The following SH2D4A variants were observed in gnomAD, a reference collection of about 807,000 sequenced individuals.
The protein encoded by SH2D4A is SH2 domain-containing protein 4A.
A neutral mutation model predicts 64.7 loss-of-function variants in SH2D4A; 70 were observed. The ratio of observed to expected loss-of-function variants is 1.08; its 90% CI spans 0.89 to 1.32. The LOEUF is 1.32. Among genes scored for constraint, SH2D4A ranks in the 40% most tolerant of loss-of-function variants. SH2D4A has a pLI of 0.00. For missense variants in SH2D4A, 706 were observed against 540.1 expected (o/e 1.31, Z -3.04); for synonymous variants, 268 against 200.7 (o/e 1.34, Z -2.83).
intron 8 of SH2D4A, among the ~76,000 whole-genome samples, chr8:19,389,124 C>A (rs1563214772): frequency 6.6e-6 from 1 of 152,184 alleles, no homozygotes; most frequent in Non-Finnish European, 1.5e-5. Flanking sequence ...GGAGTTGAAT[C>A]TTGCAGAGTG....
intron 8 of SH2D4A, among the ~76,000 whole-genome samples, chr8:19,389,106 C>T (rs2053439728): frequency 6.6e-6 from 1 of 152,198 alleles, no homozygotes; most frequent in Non-Finnish European, 1.5e-5. Context: ...CAGGACACGT[C>T]ATGTTCTGGA....
chr8:19,363,751 G>T (rs1438203312), intron 6 of SH2D4A: 2 of 365,144 alleles, frequency 5.5e-6, no homozygotes, highest in Non-Finnish European at 1.0e-5. Context: ...ATGCTCAGGC[G>T]GGGGATCCTC....
At position 19,332,837 on chromosome 8, in the gene SH2D4A, C is replaced by T. The variant is rs993124949; in HGVS notation, c.182-118C>T. ...CTGAGCAGTTGGAAGTTCTTTGTCT[C>T]ATCTGATATATATATATATATTTTC... is the stretch of plus-strand genomic sequence containing the variant. On this transcript the variant is annotated intron_variant, in intron 2 of 9. Coordinates refer to ENST00000265807, the MANE Select transcript of SH2D4A (RefSeq NM_022071.4). The T allele has an allele frequency of 7.1e-6, 6 of 848,878 alleles. No individual in the cohort carries two copies. In the South Asian group the frequency reaches 1.6e-4, roughly 23 times the overall value. 52.6% of individuals were successfully genotyped at this position (848,878 alleles called of 1,614,324 possible).
Position 19,319,713 on chromosome 8 carries a change from C to T in SH2D4A, c.166C>T (p.Pro56Ser), listed in dbSNP as rs1340695745. Residue 56 changes from proline to serine, a missense_variant, in exon 2 of 10, where the codon CCC becomes TCC. Physicochemically the swap from Pro to Ser is moderately conservative, Grantham distance 74 (BLOSUM62 -1). Transcript: ENST00000265807. ...AAGAAAGGAGTCCCTGCCAGTGAAA[C>T]CCAGACCAAAGAAAGGTAAACTTAT... ...MERKESLPVK[P>S]RPKKENGKSV... The T allele has an allele frequency of 6.3e-7, 1 of 1,587,262 alleles. No homozygotes were observed. The highest frequency in any genetic ancestry group is 8.5e-7 in the Non-Finnish European group (1 of 1,170,518).
At chr8:19,321,442 G>C (rs541628332) in intron 2 of SH2D4A, among the ~76,000 whole-genome samples, 2 of 152,300 alleles carry the variant, frequency 1.3e-5, no homozygotes, top group Non-Finnish European at 2.9e-5. Context: ...TTGAACCCCA[G>C]ACCTCAAACG....
intron 4 of SH2D4A, among the ~76,000 whole-genome samples, chr8:19,347,680 A>G (rs1033159623): frequency 1.3e-5 from 2 of 152,252 alleles, no homozygotes; most frequent in Non-Finnish European, 2.9e-5. Context: ...ATTTTTACAG[A>G]AATGGCCTTC....
chr8:19,325,312 C>A (rs2052259700), intron 2 of SH2D4A, among the ~76,000 whole-genome samples: 1 of 152,204 alleles, frequency 6.6e-6, no homozygotes, highest in South Asian at 2.1e-4. Context: ...GATTTGTATT[C>A]ATATGATTTC....
chr8:19,334,654 T>C, intron 3 of SH2D4A, 32 bp from the exon 4 acceptor site: 1 of 1,566,218 alleles, frequency 6.4e-7, no homozygotes, highest in Non-Finnish European at 8.6e-7. Context: ...TGAAGAATGT[T>C]TTTTGAGAAT....
At chr8:19,342,571 C>G (rs1238661340) in intron 4 of SH2D4A, among the ~76,000 whole-genome samples, 1 of 152,156 alleles carries the variant, frequency 6.6e-6, no homozygotes, top group Non-Finnish European at 1.5e-5. Context: ...TTCATCCTCA[C>G]AACTGTAGGA....
chr8:19,363,189 C>T (rs1262057577), intron 6 of SH2D4A, among the ~76,000 whole-genome samples: 1 of 152,136 alleles, frequency 6.6e-6, no homozygotes, highest in East Asian at 1.9e-4. Context: ...GATTCTCCCG[C>T]CTCAGCCTCC....
intron 7 of SH2D4A, among the ~76,000 whole-genome samples, chr8:19,373,100 A>C (rs564755387): frequency 6.6e-6 from 1 of 152,160 alleles, no homozygotes; most frequent in Non-Finnish European, 1.5e-5. Context: ...TATAATTCCT[A>C]TACAAATGAA....
chr8:19,367,647 T>C (rs2053021129), intron 7 of SH2D4A, among the ~76,000 whole-genome samples: 1 of 152,204 alleles, frequency 6.6e-6, no homozygotes, highest in African/African-American at 2.4e-5. Context: ...AGTTTATGAA[T>C]ATTTTCTCCC....
At chr8:19,322,643 G>A (rs1192371409) in intron 2 of SH2D4A, among the ~76,000 whole-genome samples, 3 of 137,796 alleles carry the variant, frequency 2.2e-5, no homozygotes, top group Non-Finnish European at 4.6e-5. Flanking sequence ...TAAAGACAGA[G>A]TCTTGCTCTG....
intron 4 of SH2D4A, among the ~76,000 whole-genome samples, chr8:19,352,164 A>G (rs1425071068): frequency 6.6e-6 from 1 of 152,256 alleles, no homozygotes; most frequent in African/African-American, 2.4e-5. Context: ...AAAAGTGAAC[A>G]TAATTCTTCT....
chr8:19,352,410 G>C (rs2117258999), intron 4 of SH2D4A, among the ~76,000 whole-genome samples: 1 of 152,332 alleles, frequency 6.6e-6, no homozygotes, highest in South Asian at 2.1e-4. Context: ...ATGTCTGCAG[G>C]AAGTCCACTA....
At chr8:19,344,912 G>C (rs2052588262) in intron 4 of SH2D4A, among the ~76,000 whole-genome samples, 1 of 152,144 alleles carries the variant, frequency 6.6e-6, no homozygotes, top group African/African-American at 2.4e-5. Context: ...GTTCAAGTTA[G>C]GATCCTCCCT....
intron 7 of SH2D4A, among the ~76,000 whole-genome samples, chr8:19,365,764 G>T (rs1181521238): frequency 6.6e-6 from 1 of 152,040 alleles, no homozygotes; most frequent in African/African-American, 2.4e-5. Flanking sequence ...ACTTGACACA[G>T]GGATGGCAGA....
chr8:19,373,305 C>CCTCCCCTTCTGT (rs2053134831), intron 7 of SH2D4A, among the ~76,000 whole-genome samples: 1 of 150,564 alleles, frequency 6.6e-6, no homozygotes, highest in African/African-American at 2.5e-5. Flanking sequence ...ATTCCCTCTC[C>CCTCCCCTTCTGT]CTCCCATTCT....
Position 19,328,316 on chromosome 8 carries a change from C to T in SH2D4A, c.182-4639C>T, listed in dbSNP as rs536222089. Among the ~76,000 whole-genome samples the T allele has an allele frequency of 1.8e-4, 28 of 152,088 alleles. No homozygotes were observed. The South Asian group carries it at 5.2e-3, about 28-fold the overall frequency. On this transcript the variant is annotated intron_variant, in intron 2 of 9. Coordinates refer to ENST00000265807, the MANE Select transcript of SH2D4A (RefSeq NM_022071.4). The stretch of plus-strand genomic sequence containing the variant: ...CGATTGAAAGTCCTCATATGGATTT[C>T]TAGTAAAAGTAAAAATAACGTAGTC...
Sources: gnomAD v4.1 joint callset for allele counts (sites outside exome capture counted in the v4.1 genomes callset) on GRCh38, gnomAD v4.1.1 for gene constraint, MANE v1.5 for transcripts, NCBI Gene and HGNC (gene_info 2026-07-23, HGNC 2026-07-21) for gene names.